NUP188: variants seen among roughly 807,000 people sequenced by gnomAD.
NUP188 encodes the protein nucleoporin NUP188.
NUP188 carries 97 observed loss-of-function variants against 223.0 expected under a neutral mutation model. That is an observed-to-expected ratio of 0.43 (90% CI 0.37 to 0.51). The LOEUF (loss-of-function observed/expected upper bound fraction) is 0.51, where lower values mean the gene tolerates loss of function less well. Ranked by LOEUF, NUP188 falls within the 20% of genes least tolerant of loss-of-function variation. The pLI, the probability that NUP188 is intolerant of heterozygous loss-of-function variation, is 0.00. For synonymous variants in NUP188, 869 were observed against 828.0 expected (o/e 1.05, Z -0.85); for missense variants, 1,947 against 2,175.6 (o/e 0.89, Z 2.09).
At chr9:129,003,226 T>G in intron 37 of NUP188, 91 bp from the exon 38 acceptor site, 1 of 1,461,724 alleles carries the variant, frequency 6.8e-7, no homozygotes, top group Non-Finnish European at 9.2e-7. Context: ...TTTGGGGGCC[T>G]GGGACGTTGC....
chr9:128,977,494 C>A (rs1012678702), intron 12 of NUP188, among the ~76,000 whole-genome samples: 1 of 152,046 alleles, frequency 6.6e-6, no homozygotes. Flanking sequence ...CTGTGCTAAG[C>A]GCTAAGGATA....
At chr9:128,977,196 T>C (rs1842188229) in intron 12 of NUP188, among the ~76,000 whole-genome samples, 1 of 150,328 alleles carries the variant, frequency 6.7e-6, no homozygotes. Context: ...CTCGGCTCAC[T>C]GCAAGCTCCG....
chr9:128,972,189 C>T lies in NUP188; in HGVS notation c.1114-971C>T, dbSNP rs143622155. 5.7e-4 allele frequency among the ~76,000 whole-genome samples: 87 copies of T among 152,218 alleles called. 1 individual carries two copies. The highest frequency in any genetic ancestry group is 1.9e-3 in the African/African-American group (80 of 41,524). On this transcript the variant is annotated intron_variant, in intron 11 of 43. Transcript: ENST00000372577. ...AGCTTTATTCGTAATTACTAAAACT[C>T]GAAAGCAACTAAAAGGTCCTTCAGT...
chr9:128,994,135 A>G (rs1455202090), intron 27 of NUP188, among the ~76,000 whole-genome samples: 2 of 152,172 alleles, frequency 1.3e-5, no homozygotes, highest in Admixed American at 1.3e-4. Flanking sequence ...CTACAGTGGA[A>G]GGAATCTTGA....
At chr9:128,990,320 T>C in intron 25 of NUP188, 94 bp downstream of exon 25, 2 of 960,902 alleles carry the variant, frequency 2.1e-6, no homozygotes, top group Non-Finnish European at 3.4e-6. Context: ...TGCAGCGGCT[T>C]AACGCCTGTA....
At chr9:128,967,683 G>A (rs1842050097) in intron 8 of NUP188, among the ~76,000 whole-genome samples, 1 of 152,044 alleles carries the variant, frequency 6.6e-6, no homozygotes, top group African/African-American at 2.4e-5. Context: ...CCAGCTACTC[G>A]GGAGGCTGAG....
At chr9:128,964,446 C>T (rs952135185) in intron 8 of NUP188, among the ~76,000 whole-genome samples, 2 of 150,674 alleles carry the variant, frequency 1.3e-5, no homozygotes, top group Non-Finnish European at 2.9e-5. Flanking sequence ...ACTGCAGCCT[C>T]GACCTCCCTG....
At chr9:128,952,904 A>AG in intron 3 of NUP188, 58 bp downstream of exon 3, 2 of 1,310,608 alleles carry the variant, frequency 1.5e-6, no homozygotes, top group South Asian at 2.4e-5. Flanking sequence ...TGACATGGAT[A>AG]AAACCATCCT....
In NUP188 at chr9:128,993,214, G is replaced by A. The variant is rs1683046347; in HGVS notation, c.2658G>A (p.Val886=). 3.7e-6 allele frequency: 6 copies of A among 1,614,150 alleles called. No individual in the cohort carries two copies. The highest frequency in any genetic ancestry group is 2.2e-5 in the East Asian group (1 of 44,888). The change falls in exon 26 of 44, where the codon GTG becomes GTA. Residue 886 remains valine (V), a synonymous_variant. Coordinates refer to ENST00000372577, the MANE Select transcript of NUP188 (RefSeq NM_015354.3). ...KRLATVAPMS[V]YACLGNDAAA... ...TCCACCAGGTGGCCCCAATGTCAGT[G>A]TATGCTTGTCTGGGCAATGATGCGG...
At chr9:128,994,104 T>C (rs1443135199) in intron 27 of NUP188, among the ~76,000 whole-genome samples, 1 of 152,214 alleles carries the variant, frequency 6.6e-6, no homozygotes, top group African/African-American at 2.4e-5. Flanking sequence ...CTCCCTCCTC[T>C]TCTGTGGGGC....
At chr9:128,950,673 T>C (rs1466223190) in intron 2 of NUP188, among the ~76,000 whole-genome samples, 3 of 152,078 alleles carry the variant, frequency 2.0e-5, no homozygotes, top group Non-Finnish European at 2.9e-5. Flanking sequence ...AGACCCCGTC[T>C]CTACAAAAAA....
chr9:128,982,790 T>G lies in NUP188; in HGVS notation c.1669+89T>G, dbSNP rs1842274563. 7 of 1,587,824 alleles carry G rather than the reference T, an allele frequency of 4.4e-6. No homozygotes were observed. The South Asian group carries it at 5.7e-5, about 13-fold the overall frequency. The stretch of plus-strand genomic sequence containing the variant: ...GAAAATAGAATATCTACATAAAATT[T>G]AGAACCATCAAGATTGTGATTTGTC... On this transcript the variant is annotated intron_variant, in intron 16 of 43. Coordinates refer to ENST00000372577, the MANE Select transcript of NUP188 (RefSeq NM_015354.3).
intron 12 of NUP188, 47 bp from the exon 13 acceptor site, chr9:128,979,215 G>C: frequency 7.5e-7 from 1 of 1,336,470 alleles, no homozygotes; most frequent in Non-Finnish European, 1.1e-6. Context: ...AAGATAGACT[G>C]GTTCAGCTAG....
intron 2 of NUP188, among the ~76,000 whole-genome samples, chr9:128,952,125 C>T (rs974871360): frequency 1.4e-4 from 21 of 152,020 alleles, no homozygotes; most frequent in African/African-American, 4.1e-4. Context: ...GCATTTGGGC[C>T]GGGCGCAGTG....
rs60109270 is a variant in NUP188 at position 128,956,182 on chromosome 9, GGTGT to G, written c.162-142_162-139del. 8.2e-3 allele frequency among the ~76,000 whole-genome samples: 1,107 copies of G among 134,676 alleles called. 9 individuals are homozygous for G. Among genetic ancestry groups the G allele is most frequent in the African/African-American group, 0.02 (801 of 39,154 alleles). The allele number at this position is 134,676 out of a possible 152,430, so 88.4% of individuals were successfully genotyped here. On this transcript the variant is annotated intron_variant, in intron 3 of 43. Coordinates refer to ENST00000372577, the MANE Select transcript of NUP188 (RefSeq NM_015354.3). The stretch of plus-strand genomic sequence containing the variant: ...GTTATGAAGTTTGTAGAGGTGAATG[GGTGT>G]GTGTGTGTGTGTGTGTGTGTGTGTG...
chr9:128,995,312 A>G lies in NUP188; in HGVS notation c.3156-7A>G. 1 of 1,610,108 alleles carries G rather than the reference A, an allele frequency of 6.2e-7. No individual in the cohort carries two copies. Among genetic ancestry groups the G allele is most frequent in the Non-Finnish European group, 8.5e-7 (1 of 1,176,818 alleles). ...ATCTAACTGGAGGTTTTTTCTTGACACTGTAGGGGTTCATTAGACCAGTCA... is the reference window on the plus strand; with the variant it reads ...ATCTAACTGGAGGTTTTTTCTTGACGCTGTAGGGGTTCATTAGACCAGTCA... On this transcript the variant is annotated splice_polypyrimidine_tract_variant and splice_region_variant and intron_variant, in intron 29 of 43. Transcript: ENST00000372577.
intron 5 of NUP188, 90 bp from the exon 6 acceptor site, chr9:128,957,920 T>C (rs946397331): frequency 3.4e-5 from 33 of 957,046 alleles, no homozygotes; most frequent in Admixed American, 7.1e-5. Context: ...AATTATAATC[T>C]TGAAGGATGA....
At chr9:128,990,946 A>G in intron 25 of NUP188, among the ~76,000 whole-genome samples, 1 of 152,130 alleles carries the variant, frequency 6.6e-6, no homozygotes. Context: ...TGAACCCGGG[A>G]GGCAGAAGTT....
chr9:128,953,036 C>T (rs1052912167), intron 3 of NUP188, 190 bp downstream of exon 3: 1 of 532,114 alleles, frequency 1.9e-6, no homozygotes, highest in Non-Finnish European at 3.4e-6. Flanking sequence ...GAAATTCCTT[C>T]TAGAAATACA....
Sources: gnomAD v4.1 joint callset for allele counts (sites outside exome capture counted in the v4.1 genomes callset) on GRCh38, gnomAD v4.1.1 for gene constraint, MANE v1.5 for transcripts, NCBI Gene and HGNC (gene_info 2026-07-23, HGNC 2026-07-21) for gene names.